FBXO9: variants seen among roughly 807,000 people sequenced by gnomAD.
The protein encoded by FBXO9 is F-box only protein 9.
A neutral mutation model predicts 63.7 loss-of-function variants in FBXO9; 43 were observed. That is an observed-to-expected ratio of 0.67 (90% CI 0.53 to 0.87). FBXO9 has a LOEUF of 0.87. Ranked by LOEUF, FBXO9 falls within the 40% of genes least tolerant of loss-of-function variation. The pLI, the probability that FBXO9 is intolerant of heterozygous loss-of-function variation, is 0.00. For synonymous variants in FBXO9, 156 were observed against 171.7 expected, an observed-to-expected ratio of 0.91 and a Z score of 0.72; for missense variants, 442 against 533.2, an observed-to-expected ratio of 0.83 and a Z score of 1.68.
chr6:53,099,687 A>G lies in FBXO9; in HGVS notation c.*1857A>G, dbSNP rs1030979553. On this transcript the variant is annotated 3_prime_UTR_variant, in exon 13 of 13. Transcript: ENST00000323557. ...TAGCCAGGAGGCTGAGGCTACAGTG[A>G]GCCAAGATTGCACCACTGTGCTCCA... 6.6e-6 allele frequency: 1 copy of G among 152,126 alleles called. No individual in the cohort carries two copies. Among genetic ancestry groups the G allele is most frequent in the African/African-American group, 2.4e-5 (1 of 41,398 alleles). The allele number at this position is 152,126 out of a possible 1,614,324, so 9.4% of individuals were successfully genotyped here.
In FBXO9 at chr6:53,076,492, G is replaced by T; in HGVS notation, c.256G>T (p.Glu86Ter). 6.5e-7 allele frequency: 1 copy of T among 1,544,122 alleles called. No individual in the cohort carries two copies. The highest frequency in any genetic ancestry group is 2.3e-5 in the Admixed American group (1 of 44,188). Residue 86 changes from glutamate (E) to a stop codon, truncating the protein, a stop_gained, in exon 4 of 13, where the codon GAA becomes TAA. Transcript: ENST00000323557. LOFTEE classifies it high-confidence loss of function. ...TTACTTTATATTTTTATAGGCTCGAGAACTCTTCCTAAAAGCAGTAGAAGA... is the reference window on the plus strand; with the variant it reads ...TTACTTTATATTTTTATAGGCTCGATAACTCTTCCTAAAAGCAGTAGAAGA... Reference protein sequence around the residue: ...QEQAKEEKARELFLKAVEEEQ... With the variant: ...QEQAKEEKAR
chr6:53,089,345 G>A (rs1225656328), intron 7 of FBXO9, among the ~76,000 whole-genome samples: 1 of 151,914 alleles, frequency 6.6e-6, no homozygotes, highest in Non-Finnish European at 1.5e-5. Flanking sequence ...AAAGTGCTGG[G>A]ATTACAGACG....
intron 5 of FBXO9, 136 bp downstream of exon 5, chr6:53,079,034 G>T (rs973963671): frequency 6.9e-6 from 3 of 433,706 alleles, no homozygotes; most frequent in African/African-American, 2.6e-5. Flanking sequence ...TAAAGTTGTA[G>T]AAATTTTTTA....
intron 1 of FBXO9, chr6:53,067,767 A>G (rs1581802600): frequency 6.6e-6 from 1 of 152,192 alleles, no homozygotes; most frequent in Non-Finnish European, 1.5e-5. Flanking sequence ...ATATTTTCCT[A>G]CTAATGGTGT....
At chr6:53,077,212 C>T (rs1346711847) in intron 4 of FBXO9, among the ~76,000 whole-genome samples, 2 of 152,026 alleles carry the variant, frequency 1.3e-5, no homozygotes, top group African/African-American at 2.4e-5. Flanking sequence ...CGGTGGCTCA[C>T]GCCTGTAATC....
At chr6:53,067,786 G>A (rs1191007332) in intron 1 of FBXO9, 1 of 152,086 alleles carries the variant, frequency 6.6e-6, no homozygotes, top group Non-Finnish European at 1.5e-5. Context: ...GTTCTTAGTA[G>A]GAAAAGCTCC....
chr6:53,075,682 CTCTG>C (rs1200571913), intron 3 of FBXO9, among the ~76,000 whole-genome samples: 3 of 147,244 alleles, frequency 2.0e-5, no homozygotes, highest in African/African-American at 5.0e-5. Context: ...TATATTCTCT[CTCTG>C]AAATATCTGT....
chr6:53,076,454 T>C, intron 3 of FBXO9, 32 bp from the exon 4 acceptor site: 3 of 1,446,242 alleles, frequency 2.1e-6, no homozygotes, highest in Non-Finnish European at 2.8e-6. Context: ...TTAATGCAGG[T>C]TTTCAAAAAT....
intron 5 of FBXO9, among the ~76,000 whole-genome samples, chr6:53,080,051 A>T (rs1363380876): frequency 6.6e-6 from 1 of 151,740 alleles, no homozygotes; most frequent in Non-Finnish European, 1.5e-5. Flanking sequence ...AATATGTGCC[A>T]GATGCTGTTA....
At chr6:53,078,336 T>C (rs1385319865) in intron 4 of FBXO9, among the ~76,000 whole-genome samples, 1 of 152,136 alleles carries the variant, frequency 6.6e-6, no homozygotes, top group Non-Finnish European at 1.5e-5. Context: ...GGCATGCCTG[T>C]AGCCCCAGCT....
At position 53,071,087 on chromosome 6, in the gene FBXO9, A is replaced by G. The variant is rs1456281216; in HGVS notation, c.34A>G (p.Thr12Ala). 1.3e-6 allele frequency: 2 copies of G among 1,575,704 alleles called. No homozygotes were observed. The highest frequency in any genetic ancestry group is 1.7e-6 in the Non-Finnish European group (2 of 1,158,684). The stretch of plus-strand genomic sequence containing the variant: ...AGCTGAGGAAGATTGTCATTCTGAT[A>G]CTGTCAGAGCAGATGATGATGAAGA... ...AEAEEDCHSD[T>A]VRADDDEENE... is the part of the protein sequence containing the mutation. The change falls in exon 2 of 13, where the codon ACT becomes GCT. Residue 12 changes from threonine (T) to alanine (A), a missense_variant. Thr to Ala is a moderately conservative substitution (Grantham distance 58, BLOSUM62 0). Transcript: ENST00000323557.
chr6:53,087,937 A>G (rs912157796), intron 7 of FBXO9, among the ~76,000 whole-genome samples: 2 of 152,214 alleles, frequency 1.3e-5, no homozygotes, highest in Non-Finnish European at 2.9e-5. Context: ...AAAATCTTTT[A>G]TGAACCTTAT....
chr6:53,093,248 A>T (rs945315186), intron 9 of FBXO9: 3 of 449,242 alleles, frequency 6.7e-6, no homozygotes, highest in African/African-American at 6.0e-5. Flanking sequence ...TTAAAAGTTC[A>T]ACAGTTTCCC....
At chr6:53,072,736 T>G (rs1768965114) in intron 2 of FBXO9, among the ~76,000 whole-genome samples, 1 of 152,104 alleles carries the variant, frequency 6.6e-6, no homozygotes, top group South Asian at 2.1e-4. Flanking sequence ...TTTTTTTTTT[T>G]TGAGATGGAG....
chr6:53,084,989 A>G (rs546738961), intron 7 of FBXO9, among the ~76,000 whole-genome samples: 1 of 152,310 alleles, frequency 6.6e-6, no homozygotes, highest in South Asian at 2.1e-4. Flanking sequence ...CTTAAATATG[A>G]CATTTTCAGT....
intron 7 of FBXO9, among the ~76,000 whole-genome samples, chr6:53,083,396 A>C (rs1174552916): frequency 6.6e-6 from 1 of 152,232 alleles, no homozygotes; most frequent in South Asian, 2.1e-4. Context: ...TGTTATGTCA[A>C]CCTAAATAAT....
rs757862433 is a variant in FBXO9, at chr6:53,092,857, TTC to T, written c.863+42_863+43del. ...TGTAGTACACTGAGTGAGTGGAAAA[TTC>T]TCTCTCTCCATGTATTAGTTAAATG... On this transcript the variant is annotated intron_variant, in intron 9 of 12. Coordinates refer to ENST00000323557, the MANE Select transcript of FBXO9 (RefSeq NM_033480.3). The T allele has an allele frequency of 8.5e-5, 122 of 1,436,020 alleles. No homozygotes were observed. In the Middle Eastern group the frequency reaches 1.2e-3, roughly 15 times the overall value. The allele number at this position is 1,436,020 out of a possible 1,614,324, so 89.0% of individuals were successfully genotyped here.
intron 12 of FBXO9, among the ~76,000 whole-genome samples, chr6:53,096,077 C>A (rs370282431): frequency 5.3e-5 from 8 of 152,260 alleles, no homozygotes; most frequent in African/African-American, 1.9e-4. Flanking sequence ...GGATTATACA[C>A]TGATTTAATA....
At chr6:53,090,784 C>T (rs1176276974) in intron 7 of FBXO9, 1 of 152,150 alleles carries the variant, frequency 6.6e-6, no homozygotes, top group Non-Finnish European at 1.5e-5. Context: ...GGCCTCAAGC[C>T]ACCCTCTTGC....
Sources: gnomAD v4.1 joint callset for allele counts (sites outside exome capture counted in the v4.1 genomes callset) on GRCh38, gnomAD v4.1.1 for gene constraint, MANE v1.5 for transcripts, NCBI Gene and HGNC (gene_info 2026-07-23, HGNC 2026-07-21) for gene names.